The following SCAF11 variants were observed in gnomAD, a reference collection of about 807,000 sequenced individuals.
SCAF11 encodes the protein protein SCAF11.
Under a neutral mutation model 140.5 loss-of-function variants are expected in SCAF11, and 47 were observed. The ratio of observed to expected loss-of-function variants is 0.33; its 90% CI spans 0.26 to 0.43. The LOEUF (loss-of-function observed/expected upper bound fraction) is 0.43. Among genes scored for constraint, SCAF11 ranks in the 20% least tolerant of loss-of-function variants. SCAF11 has a pLI of 1.00. For synonymous variants in SCAF11, 557 were observed against 579.4 expected (o/e 0.96, Z 0.55); for missense variants, 1,645 against 1,705.1 (o/e 0.96, Z 0.62).
chr12:45,987,228 T>C (rs551851863), intron 1 of SCAF11, among the ~76,000 whole-genome samples: 14 of 152,266 alleles, frequency 9.2e-5, no homozygotes, highest in African/African-American at 3.4e-4. Context: ...GACAGCGAGA[T>C]GCTATCTGAA....
intron 1 of SCAF11, among the ~76,000 whole-genome samples, chr12:45,989,617 A>G (rs958412642): frequency 3.3e-5 from 5 of 152,246 alleles, no homozygotes; most frequent in African/African-American, 4.8e-5. Flanking sequence ...AAATCTTTTT[A>G]ATGGTTCAAA....
chr12:45,931,279 G>C (rs1231558213), intron 10 of SCAF11: 1 of 267,138 alleles, frequency 3.7e-6, no homozygotes, highest in Non-Finnish European at 7.1e-6. Flanking sequence ...CATTGTGTGT[G>C]TATATAGATA....
chr12:45,986,563 A>G (rs1207777636), intron 1 of SCAF11, among the ~76,000 whole-genome samples: 2 of 152,174 alleles, frequency 1.3e-5, no homozygotes, highest in Admixed American at 1.3e-4. Flanking sequence ...TTCTGGAACT[A>G]TAAGAAATTA....
intron 2 of SCAF11, among the ~76,000 whole-genome samples, chr12:45,962,258 C>T (rs1224521832): frequency 1.3e-5 from 2 of 152,150 alleles, no homozygotes; most frequent in East Asian, 3.8e-4. Context: ...CTTCCACATT[C>T]CTTTCTTTAC....
rs1439633208 is a variant in SCAF11 at position 45,927,106 on chromosome 12, C to T, written c.2595G>A (p.Arg865=). 2 of 1,614,090 alleles carry T rather than the reference C, an allele frequency of 1.2e-6. No individual in the cohort carries two copies. Among genetic ancestry groups the T allele is most frequent in the African/African-American group, 1.3e-5 (1 of 75,032 alleles). Residue 865 remains arginine (R), a synonymous_variant, in exon 11 of 15, where the codon CGG becomes CGA. Transcript: ENST00000369367. ...IARERRQSQS[R]SPKRDTTRES... is the part of the protein sequence containing the mutation. ...CCCTAGTAGTATCCCTTTTTGGAGA[C>T]CGAGACTGAGATTGCCTCCTTTCTC...
chr12:45,961,206 T>A, intron 3 of SCAF11: 1 of 660,482 alleles, frequency 1.5e-6, no homozygotes, highest in Non-Finnish European at 2.8e-6. Flanking sequence ...GACCAAGTCA[T>A]AGAACATAAA....
intron 1 of SCAF11, chr12:45,974,559 C>A: frequency 5.3e-6 from 1 of 186,978 alleles, no homozygotes; most frequent in Non-Finnish European, 1.1e-5. Context: ...TCTCAAGAAA[C>A]CACATTCTTT....
chr12:45,969,829 T>C (rs1485658023), intron 1 of SCAF11, among the ~76,000 whole-genome samples: 1 of 152,104 alleles, frequency 6.6e-6, no homozygotes, highest in Non-Finnish European at 1.5e-5. Flanking sequence ...CTTGAATTCC[T>C]GGGCTCAAGC....
At chr12:45,990,163 C>A (rs991490066) in intron 1 of SCAF11, among the ~76,000 whole-genome samples, 190 bp downstream of exon 1, 3 of 152,064 alleles carry the variant, frequency 2.0e-5, no homozygotes, top group Non-Finnish European at 2.9e-5. Flanking sequence ...CCGCAGCCTC[C>A]CCCACTTCGA....
upstream of SCAF11, chr12:45,992,038 A>C (rs768437570): frequency 1.6e-6 from 2 of 1,288,864 alleles, no homozygotes; most frequent in South Asian, 2.5e-5. Context: ...CGACCGCTTC[A>C]CTGCCGCCTT....
At chr12:45,986,240 AC>A (rs1276052793) in intron 1 of SCAF11, among the ~76,000 whole-genome samples, 1 of 152,160 alleles carries the variant, frequency 6.6e-6, no homozygotes, top group Non-Finnish European at 1.5e-5. Context: ...AGGAACTTCT[AC>A]CTGAAAGCTC....
chr12:45,947,340 A>G (rs1945445807), intron 5 of SCAF11, among the ~76,000 whole-genome samples: 2 of 152,180 alleles, frequency 1.3e-5, no homozygotes, highest in Non-Finnish European at 1.5e-5. Context: ...AGTATTAAAC[A>G]CCGCATTTCT....
intron 1 of SCAF11, among the ~76,000 whole-genome samples, chr12:45,967,981 C>T (rs1440002385): frequency 6.6e-6 from 1 of 152,214 alleles, no homozygotes; most frequent in Admixed American, 6.5e-5. Context: ...CACACAGAGT[C>T]ATAGTCCTAG....
At chr12:45,945,827 C>G (rs1390831621) in intron 5 of SCAF11, among the ~76,000 whole-genome samples, 5 of 151,954 alleles carry the variant, frequency 3.3e-5, no homozygotes, top group African/African-American at 1.2e-4. Context: ...GCTACCATGC[C>G]TGGCTAATAT....
chr12:45,987,614 A>AGT (rs1289135139), intron 1 of SCAF11, among the ~76,000 whole-genome samples: 1 of 152,254 alleles, frequency 6.6e-6, no homozygotes, highest in African/African-American at 2.4e-5. Context: ...CTGTTGTTTT[A>AGT]TACACAGTAG....
intron 3 of SCAF11, among the ~76,000 whole-genome samples, chr12:45,958,588 C>T (rs981807789): frequency 6.6e-6 from 1 of 152,060 alleles, no homozygotes; most frequent in African/African-American, 2.4e-5. Flanking sequence ...TCTATATAAT[C>T]ATCATTATTT....
chr12:45,940,588 G>A (rs1302967587), intron 6 of SCAF11, among the ~76,000 whole-genome samples: 2 of 152,128 alleles, frequency 1.3e-5, no homozygotes, highest in African/African-American at 2.4e-5. Flanking sequence ...TTTACAAAAT[G>A]ATGTTAATAC....
chr12:45,961,861 T>C lies in SCAF11; in HGVS notation c.62-4A>G, dbSNP rs1167802896. The C allele has an allele frequency of 6.3e-7, 1 of 1,596,904 alleles. No individual in the cohort carries two copies. The highest frequency in any genetic ancestry group is 1.8e-5 in the Admixed American group (1 of 57,058). The stretch of plus-strand genomic sequence containing the variant: ...GTATTATCTCCGTTTTCTTCACCTG[T>C]TAAAGTAAAACAGCCATATGTGCTT... On this transcript the variant is annotated splice_region_variant and splice_polypyrimidine_tract_variant and intron_variant, in intron 2 of 14. Coordinates refer to ENST00000369367, the MANE Select transcript of SCAF11 (RefSeq NM_004719.3).
At chr12:45,954,900 G>A (rs1214477147) in intron 3 of SCAF11, 2 of 150,372 alleles carry the variant, frequency 1.3e-5, no homozygotes, top group East Asian at 4.0e-4. Flanking sequence ...CATTCCATTT[G>A]ATCCGTTTCA....
Sources: gnomAD v4.1 joint callset for allele counts (sites outside exome capture counted in the v4.1 genomes callset) on GRCh38, gnomAD v4.1.1 for gene constraint, MANE v1.5 for transcripts, NCBI Gene and HGNC (gene_info 2026-07-23, HGNC 2026-07-21) for gene names.